LRRC9: variants seen among roughly 807,000 people sequenced by gnomAD.
The protein encoded by LRRC9 is leucine rich repeat containing 9, also known as leucine-rich repeat-containing protein 9.
Under a neutral mutation model 63.2 loss-of-function variants are expected in LRRC9, and 122 were observed. That is an observed-to-expected ratio of 1.93 (90% confidence interval 1.67 to 2.24). LRRC9 has a LOEUF of 2.24. Ranked by LOEUF, LRRC9 falls within the 30% of genes most tolerant of loss-of-function variation. The pLI is 0.00. For missense variants in LRRC9, 1,071 were observed against 627.7 expected, an observed-to-expected ratio of 1.71 and a Z score of -7.55; for synonymous variants, 366 against 213.1, an observed-to-expected ratio of 1.72 and a Z score of -6.25.
At position 60,041,454 on chromosome 14, in the gene LRRC9, A is replaced by AT. The variant is rs1668724516; in HGVS notation, c.3990+9397dup. 7.3e-5 allele frequency among the ~76,000 whole-genome samples: 11 copies of AT among 151,110 alleles called. 1 individual carries two copies. The South Asian group carries it at 2.3e-3, about 31-fold the overall frequency. On this transcript the variant is annotated intron_variant, in intron 29 of 31. Coordinates refer to ENST00000445360, the Ensembl canonical transcript of LRRC9. ...CCCATATTTTTTGGAGGCTTTATGC[A>AT]TTTTTTACTCTAAACTTCTCACTTC...
At chr14:59,985,991 AT>A (rs1391624619) in intron 17 of LRRC9, among the ~76,000 whole-genome samples, 1 of 151,448 alleles carries the variant, frequency 6.6e-6, no homozygotes, top group Admixed American at 6.6e-5. Flanking sequence ...ATGAATCCCT[AT>A]TTCTTTTTCA....
At chr14:59,921,459 G>A (rs546454472) in intron 1 of LRRC9, among the ~76,000 whole-genome samples, 22 of 151,530 alleles carry the variant, frequency 1.5e-4, no homozygotes, top group Non-Finnish European at 1.8e-4. Context: ...ATGAGGAGGA[G>A]GAAAAAAAAT....
intron 22 of LRRC9, 80 bp from the exon 23 acceptor site, chr14:60,008,012 T>C (rs1889959512): frequency 1.6e-5 from 8 of 487,478 alleles, no homozygotes; most frequent in Non-Finnish European, 2.9e-5. Flanking sequence ...AATTCCAATA[T>C]TAAAATTTGA....
chr14:60,022,160 A>C (rs1274755639), intron 26 of LRRC9, among the ~76,000 whole-genome samples: 1 of 151,660 alleles, frequency 6.6e-6, no homozygotes, highest in African/African-American at 2.4e-5. Context: ...GATCTTTGTT[A>C]ATTTCTCTCA....
chr14:60,019,400 A>T (rs1383149212), intron 26 of LRRC9, 140 bp downstream of exon 26: 4 of 484,060 alleles, frequency 8.3e-6, no homozygotes, highest in Middle Eastern at 8.3e-4. Flanking sequence ...TAATAGCTAC[A>T]TGCCAAAAAT....
intron 8 of LRRC9, among the ~76,000 whole-genome samples, chr14:59,953,513 T>C (rs1016354889): frequency 1.3e-5 from 2 of 152,170 alleles, no homozygotes; most frequent in African/African-American, 4.8e-5. Flanking sequence ...AATTTGTAAA[T>C]TTTTTCTTGT....
At chr14:59,977,629 C>T (rs1367900324) in intron 14 of LRRC9, among the ~76,000 whole-genome samples, 1 of 151,346 alleles carries the variant, frequency 6.6e-6, no homozygotes, top group Non-Finnish European at 1.5e-5. Flanking sequence ...TAAAAAAGCA[C>T]CCGACTTTTA....
intron 6 of LRRC9, among the ~76,000 whole-genome samples, chr14:59,937,589 T>C (rs571787716): frequency 6.6e-6 from 1 of 152,142 alleles, no homozygotes; most frequent in African/African-American, 2.4e-5. Context: ...AAGGACAAGA[T>C]AGGGCTTGGC....
At chr14:59,970,146 G>A (rs1435312668) in intron 12 of LRRC9, among the ~76,000 whole-genome samples, 1 of 132,324 alleles carries the variant, frequency 7.6e-6, no homozygotes, top group Non-Finnish European at 1.5e-5. Flanking sequence ...CCCAGTATCT[G>A]TTGTTCCTCT....
chr14:59,952,345 G>A (rs1055801603), intron 8 of LRRC9, among the ~76,000 whole-genome samples: 2 of 152,180 alleles, frequency 1.3e-5, no homozygotes, highest in Non-Finnish European at 2.9e-5. Flanking sequence ...GCAATGCCTC[G>A]CCTTGCTTCG....
At chr14:59,959,959 G>A (rs1017336259) in exon 9 of LRRC9, 1 of 693,384 alleles carries the variant, frequency 1.4e-6, no homozygotes, top group South Asian at 1.5e-5. Context: ...GAAGATATTG[G>A]CCAAACTAAA....
intron 21 of LRRC9, 66 bp from the exon 22 acceptor site, chr14:60,006,331 A>G (rs1353365838): frequency 1.6e-6 from 1 of 614,752 alleles, no homozygotes; most frequent in Non-Finnish European, 2.9e-6. Context: ...ATGACCAGCC[A>G]CTTATTTTTT....
rs1049495140 is a variant in LRRC9 at position 59,964,350 on chromosome 14, C to G, written c.1212-2239C>G. On this transcript the variant is annotated intron_variant, in intron 10 of 31. Transcript: ENST00000445360. The surrounding 1 kb of genome is among the most constrained non-coding windows in gnomAD (Gnocchi z 4.4). Reference sequence around the variant, plus strand: ...TACCGCACTGCTCTTGAAGCAAACGCAGTACTCCACCACATAAGTGGTTTT... The same window carrying G: ...TACCGCACTGCTCTTGAAGCAAACGGAGTACTCCACCACATAAGTGGTTTT... Among the ~76,000 whole-genome samples the G allele has an allele frequency of 1.3e-5, 2 of 152,194 alleles. No homozygotes were observed. Among genetic ancestry groups the G allele is most frequent in the African/African-American group, 4.8e-5 (2 of 41,452 alleles).
At chr14:60,061,505 T>C (rs902478215) in intron 31 of LRRC9, among the ~76,000 whole-genome samples, 1 of 152,232 alleles carries the variant, frequency 6.6e-6, no homozygotes, top group Non-Finnish European at 1.5e-5. Flanking sequence ...GCACACTTAA[T>C]AGACTACACT....
rs1314655380 is a variant in LRRC9 at position 59,930,367 on chromosome 14, A to G, written c.268-551A>G. Among the ~76,000 whole-genome samples the G allele has an allele frequency of 6.6e-6, 1 of 152,054 alleles. No homozygotes were observed. The highest frequency in any genetic ancestry group is 1.9e-4 in the East Asian group (1 of 5,202). On this transcript the variant is annotated intron_variant, in intron 3 of 31. Coordinates refer to ENST00000445360, the Ensembl canonical transcript of LRRC9. The surrounding 1 kb of genome is among the most constrained non-coding windows in gnomAD (Gnocchi z 4.9). Reference sequence around the variant, plus strand: ...TAACTCAATAGCAGAAAACAACCATATGCACGAAGCTACTTGTTGCAGCAT... The same window carrying G: ...TAACTCAATAGCAGAAAACAACCATGTGCACGAAGCTACTTGTTGCAGCAT...
intron 27 of LRRC9, among the ~76,000 whole-genome samples, chr14:60,024,711 G>A (rs145703480): frequency 1.1e-4 from 16 of 152,126 alleles, no homozygotes; most frequent in Non-Finnish European, 2.2e-4. Flanking sequence ...GGGTACATGT[G>A]TATGTTTGTT....
chr14:59,938,960 CACATATATACATATATACAT>C lies in LRRC9; in HGVS notation c.726+390_726+409del, dbSNP rs1881395348. On this transcript the variant is annotated intron_variant, in intron 7 of 31. Transcript: ENST00000445360. This position sits in a 1 kb window ranked among gnomAD's most constrained non-coding sequence, Gnocchi z 4.2. The stretch of plus-strand genomic sequence containing the variant: ...ATATACATATACATACATATATACA[CACATATATACATATATACAT>C]ATATACACACATATATACATATACA... Among the ~76,000 whole-genome samples, 2 of 143,106 alleles carry C rather than the reference CACATATATACATATATACAT, an allele frequency of 1.4e-5. No homozygotes were observed. The highest frequency in any genetic ancestry group is 5.3e-5 in the African/African-American group (2 of 37,884). 93.9% of individuals were successfully genotyped at this position (143,106 alleles called of 152,430 possible).
chr14:60,009,521 A>T (rs1030996739), intron 23 of LRRC9, among the ~76,000 whole-genome samples: 58 of 152,264 alleles, frequency 3.8e-4, no homozygotes, highest in Admixed American at 7.9e-4. Context: ...TGACGTGGGG[A>T]TTATTACAAT....
At position 59,995,853 on chromosome 14, in the gene LRRC9, C is replaced by A. The variant is rs189293294; in HGVS notation, c.2212-1803C>A. Among the ~76,000 whole-genome samples, 1,079 of 152,244 alleles carry A rather than the reference C, an allele frequency of 7.1e-3. 9 individuals are homozygous for A. Among genetic ancestry groups the A allele is most frequent in the African/African-American group, 0.024 (1,012 of 41,546 alleles). ...CGCCTCCCGGGTTCAAGCGATTCTT[C>A]TGCCTCAGCCTCCGGAGTATCTGGG... On this transcript the variant is annotated intron_variant, in intron 17 of 31. Transcript: ENST00000445360.
Sources: gnomAD v4.1 joint callset for allele counts (sites outside exome capture counted in the v4.1 genomes callset) on GRCh38, gnomAD v4.1.1 for gene constraint, Gnocchi (gnomAD v3.1) non-coding constraint, MANE v1.5 for transcripts, NCBI Gene and HGNC (gene_info 2026-07-23, HGNC 2026-07-21) for gene names.